Variants in FCHSD2 observed in about 807,000 individuals in gnomAD.
FCHSD2 encodes FCH and double SH3 domains 2, also known as F-BAR and double SH3 domains protein 2.
FCHSD2 carries 38 observed loss-of-function variants against 108.1 expected under a neutral mutation model. The observed-to-expected ratio is 0.35, with a 90% CI of 0.27 to 0.46. The LOEUF (loss-of-function observed/expected upper bound fraction) is 0.46, where lower values mean the gene tolerates loss of function less well. Among genes scored for constraint, FCHSD2 ranks in the 20% least tolerant of loss-of-function variants. The pLI, the probability that FCHSD2 is intolerant of heterozygous loss-of-function variation, is 1.00. For missense variants in FCHSD2, 751 were observed against 897.8 expected (o/e 0.84, Z 2.09); for synonymous variants, 279 against 314.7 (o/e 0.89, Z 1.20).
intron 2 of FCHSD2, among the ~76,000 whole-genome samples, chr11:73,114,050 C>T (rs1055499024): frequency 5.3e-5 from 8 of 151,980 alleles, no homozygotes; most frequent in Admixed American, 1.3e-4. Flanking sequence ...CCAGGCAGGT[C>T]CAGAGATGCC....
intron 4 of FCHSD2, among the ~76,000 whole-genome samples, chr11:73,015,523 T>A (rs113807821): frequency 6.6e-6 from 1 of 152,160 alleles, no homozygotes; most frequent in Non-Finnish European, 1.5e-5. Flanking sequence ...TGTTCCATTG[T>A]CACCTGCCTT....
chr11:73,041,657 C>G lies in FCHSD2; in HGVS notation c.166-25772G>C, dbSNP rs746616980. On this transcript the variant is annotated intron_variant, in intron 3 of 19. Transcript: ENST00000409418. Reference sequence around the variant, plus strand: ...TTCTGGATATTAGTCCTTTATTAAACGAATACTTGCAAATACCTTCTCCCA... The same window carrying G: ...TTCTGGATATTAGTCCTTTATTAAAGGAATACTTGCAAATACCTTCTCCCA... Among the ~76,000 whole-genome samples, 159 of 151,994 alleles carry G rather than the reference C, an allele frequency of 1.0e-3. 1 individual carries two copies. Among genetic ancestry groups the G allele is most frequent in the Admixed American group, 3.3e-3 (51 of 15,256 alleles).
intron 9 of FCHSD2, among the ~76,000 whole-genome samples, chr11:72,903,909 C>G (rs908334235): frequency 6.6e-6 from 1 of 152,262 alleles, no homozygotes; most frequent in African/African-American, 2.4e-5. Context: ...CTCCACCAAC[C>G]ATTTATTGAG....
intron 9 of FCHSD2, among the ~76,000 whole-genome samples, chr11:72,918,786 A>G (rs1855925082): frequency 6.6e-6 from 1 of 152,142 alleles, no homozygotes; most frequent in Admixed American, 6.5e-5. Context: ...GAACTTTGTT[A>G]TTAATTGGAA....
At chr11:72,960,129 T>C (rs1856796136) in intron 8 of FCHSD2, among the ~76,000 whole-genome samples, 1 of 152,188 alleles carries the variant, frequency 6.6e-6, no homozygotes, top group Non-Finnish European at 1.5e-5. Flanking sequence ...CCAGGATCTA[T>C]TTCTGGTGAG....
chr11:72,954,912 C>T (rs1856684874), intron 8 of FCHSD2, among the ~76,000 whole-genome samples: 1 of 152,076 alleles, frequency 6.6e-6, no homozygotes, highest in Admixed American at 6.6e-5. Context: ...AGAAACAGAT[C>T]TGGCTGTATG....
intron 3 of FCHSD2, among the ~76,000 whole-genome samples, chr11:73,019,963 T>C (rs1311213926): frequency 4.6e-5 from 7 of 152,206 alleles, no homozygotes; most frequent in Admixed American, 2.6e-4. Flanking sequence ...ACAGCACTAC[T>C]ATCTAAAATT....
chr11:72,852,962 G>C (rs1861330117), intron 13 of FCHSD2, among the ~76,000 whole-genome samples: 1 of 152,086 alleles, frequency 6.6e-6, no homozygotes, highest in Admixed American at 6.6e-5. Flanking sequence ...ACACAAAGAG[G>C]GGAACAACAG....
intron 3 of FCHSD2, among the ~76,000 whole-genome samples, chr11:73,019,468 AAATT>A (rs1858049539): frequency 6.6e-6 from 1 of 152,232 alleles, no homozygotes; most frequent in Non-Finnish European, 1.5e-5. Flanking sequence ...TTAAATTATG[AAATT>A]AATTTGTTAA....
At chr11:72,878,508 A>C (rs1263964556) in intron 12 of FCHSD2, among the ~76,000 whole-genome samples, 1 of 152,214 alleles carries the variant, frequency 6.6e-6, no homozygotes, top group Non-Finnish European at 1.5e-5. Flanking sequence ...GCTAATTCTA[A>C]GTCTGGGCAG....
intron 8 of FCHSD2, among the ~76,000 whole-genome samples, chr11:72,966,614 T>C (rs1565345939): frequency 6.6e-6 from 1 of 152,190 alleles, no homozygotes; most frequent in Non-Finnish European, 1.5e-5. Context: ...GCAAACAGAT[T>C]CCTGCATGAA....
intron 8 of FCHSD2, among the ~76,000 whole-genome samples, chr11:72,957,492 A>C (rs1856736634): frequency 6.6e-6 from 1 of 151,094 alleles, no homozygotes; most frequent in South Asian, 2.1e-4. Flanking sequence ...AAAGTCATAA[A>C]AGGAAAAAAA....
chr11:73,134,622 G>C (rs1861079845), intron 2 of FCHSD2, among the ~76,000 whole-genome samples: 1 of 152,224 alleles, frequency 6.6e-6, no homozygotes, highest in Non-Finnish European at 1.5e-5. Context: ...AGGCAGGACA[G>C]GTGCTTCTTG....
At chr11:73,132,224 C>T (rs748320406) in intron 2 of FCHSD2, among the ~76,000 whole-genome samples, 1 of 152,186 alleles carries the variant, frequency 6.6e-6, no homozygotes, top group Non-Finnish European at 1.5e-5. Flanking sequence ...ACGATAACTT[C>T]CTTTTGTACC....
intron 12 of FCHSD2, among the ~76,000 whole-genome samples, chr11:72,885,259 T>C (rs912779500): frequency 6.6e-6 from 1 of 152,114 alleles, no homozygotes; most frequent in Non-Finnish European, 1.5e-5. Flanking sequence ...ATGCTAACAG[T>C]AAAATTAATT....
At chr11:73,069,335 C>T (rs1379989874) in intron 3 of FCHSD2, among the ~76,000 whole-genome samples, 2 of 125,772 alleles carry the variant, frequency 1.6e-5, no homozygotes. Flanking sequence ...AAAAAAAAGA[C>T]TACAAAATAA....
chr11:73,019,847 T>C (rs140228039), intron 3 of FCHSD2, among the ~76,000 whole-genome samples: 249 of 152,306 alleles, frequency 1.6e-3, no homozygotes, highest in Non-Finnish European at 2.7e-3. Flanking sequence ...TTTACTTACA[T>C]AGAAAACAAA....
chr11:73,099,943 G>C (rs769319455), intron 2 of FCHSD2, among the ~76,000 whole-genome samples: 1 of 152,132 alleles, frequency 6.6e-6, no homozygotes, highest in African/African-American at 2.4e-5. Flanking sequence ...GGCCTTTCCC[G>C]AGCTCTAAGT....
At position 72,921,895 on chromosome 11, in the gene FCHSD2, C is replaced by T. The variant is rs776804802; in HGVS notation, c.761G>A (p.Arg254Gln). The T allele has an allele frequency of 7.5e-6, 12 of 1,603,948 alleles. No individual in the cohort carries two copies. The highest frequency in any genetic ancestry group is 9.4e-6 in the Non-Finnish European group (11 of 1,173,698). The change falls in exon 9 of 20, where the codon CGG (arginine) becomes CAG (glutamine). Residue 254 changes from arginine to glutamine, a missense_variant. Physicochemically the swap from Arg to Gln is conservative, Grantham distance 43 (BLOSUM62 1). Coordinates refer to ENST00000409418, the MANE Select transcript of FCHSD2 (RefSeq NM_014824.3). The stretch of plus-strand genomic sequence containing the variant: ...AGCTTGGCATGTTTCTAGCTCAGTC[C>T]GGCTGAAGGCTATTAAATAATCCTT... ...HLKDYLIAFS[R>Q]TELETCQAVQ... is the part of the protein sequence containing the mutation.
Sources: allele counts gnomAD v4.1 joint callset (sites outside exome capture counted in the v4.1 genomes callset), GRCh38; gene constraint gnomAD v4.1.1; transcripts MANE v1.5; gene names NCBI Gene and HGNC (gene_info 2026-07-23, HGNC 2026-07-21).